Variants in TDRP observed in about 807,000 individuals in gnomAD.
The protein encoded by TDRP is testis development related protein.
A neutral mutation model predicts 10.5 loss-of-function variants in TDRP; 12 were observed. The observed-to-expected ratio is 1.15, with a 90% CI of 0.73 to 1.86. The LOEUF (loss-of-function observed/expected upper bound fraction) is 1.86, where lower values mean the gene tolerates loss of function less well. TDRP is among the 40% of genes most tolerant of loss of function. The pLI is 0.00. For missense variants in TDRP, 353 were observed against 229.2 expected (o/e 1.54, Z -3.49); for synonymous variants, 139 against 95.4 (o/e 1.46, Z -2.67).
chr8:516,459 C>A (rs1296081157), intron 1 of TDRP, among the ~76,000 whole-genome samples: 2 of 152,198 alleles, frequency 1.3e-5, no homozygotes, highest in African/African-American at 2.4e-5. Context: ...AAGACTTTAA[C>A]AGACACTTCA....
At chr8:543,090 G>A (rs550094818) in intron 1 of TDRP, among the ~76,000 whole-genome samples, 417 of 152,214 alleles carry the variant, frequency 2.7e-3, no homozygotes, top group Admixed American at 5.0e-3. Flanking sequence ...GGCGGATCAC[G>A]TGAGCCCAGG....
intron 1 of TDRP, among the ~76,000 whole-genome samples, chr8:537,089 A>C (rs889952297): frequency 9.2e-5 from 14 of 152,170 alleles, no homozygotes; most frequent in African/African-American, 3.4e-4. Flanking sequence ...ACCCTGACTC[A>C]ATTCTGCAGC....
intron 1 of TDRP, among the ~76,000 whole-genome samples, chr8:524,220 G>C (rs533402036): frequency 3.4e-4 from 51 of 152,186 alleles, no homozygotes; most frequent in Non-Finnish European, 6.0e-4. Context: ...AGGTCTGCAA[G>C]AGTCACAGCA....
chr8:527,756 A>C (rs1030016748), intron 1 of TDRP, among the ~76,000 whole-genome samples: 1 of 152,210 alleles, frequency 6.6e-6, no homozygotes, highest in Non-Finnish European at 1.5e-5. Flanking sequence ...CACACAAAAA[A>C]TCAAATCAAA....
At chr8:493,184 A>C (rs551761296) in intron 2 of TDRP, among the ~76,000 whole-genome samples, 1 of 152,324 alleles carries the variant, frequency 6.6e-6, no homozygotes, top group East Asian at 1.9e-4. Context: ...TAGGTAATTT[A>C]CTCAACAAAA....
chr8:544,626 C>T (rs1584889941), intron 1 of TDRP, 24 bp downstream of exon 1: 3 of 1,231,540 alleles, frequency 2.4e-6, no homozygotes, highest in South Asian at 3.8e-5. Context: ...CCTACTAGCA[C>T]TCCCCACCTG....
At chr8:502,250 G>C (rs1050972785) in intron 1 of TDRP, among the ~76,000 whole-genome samples, 4 of 152,226 alleles carry the variant, frequency 2.6e-5, no homozygotes, top group African/African-American at 7.2e-5. Flanking sequence ...ACACACTGAA[G>C]CTATTGAGAA....
At chr8:539,475 TA>T (rs1563134031) in intron 1 of TDRP, among the ~76,000 whole-genome samples, 1 of 152,176 alleles carries the variant, frequency 6.6e-6, no homozygotes, top group Non-Finnish European at 1.5e-5. Context: ...AGGATGACTG[TA>T]TAACATTTAA....
intron 1 of TDRP, among the ~76,000 whole-genome samples, chr8:526,008 C>T (rs1802025724): frequency 6.6e-6 from 1 of 152,092 alleles, no homozygotes; most frequent in South Asian, 2.1e-4. Context: ...TTTTGGATTT[C>T]TTCATGGTTC....
At chr8:501,908 C>G (rs115578194) in intron 1 of TDRP, among the ~76,000 whole-genome samples, 1,730 of 152,274 alleles carry the variant, frequency 0.011, 26 homozygotes, top group African/African-American at 0.039. Context: ...ATGACCCTGA[C>G]CCACCCTCTC....
intron 1 of TDRP, among the ~76,000 whole-genome samples, chr8:506,646 G>A (rs374755815): frequency 1.2e-4 from 18 of 152,236 alleles, no homozygotes; most frequent in Non-Finnish European, 2.1e-4. Context: ...TCCCCACTAC[G>A]GCAAATGCTC....
intron 1 of TDRP, among the ~76,000 whole-genome samples, chr8:543,447 AAT>A (rs1802553870): frequency 6.6e-6 from 1 of 152,212 alleles, no homozygotes; most frequent in Non-Finnish European, 1.5e-5. Context: ...ATCTTTGACC[AAT>A]ATTAGTTATT....
intron 1 of TDRP, among the ~76,000 whole-genome samples, chr8:540,741 CTAAG>C (rs977760040): frequency 2.8e-5 from 4 of 144,380 alleles, no homozygotes; most frequent in African/African-American, 1.0e-4. Flanking sequence ...TCCCATAAAT[CTAAG>C]TAATTTTGAA....
chr8:543,455 T>C (rs781178749), intron 1 of TDRP, among the ~76,000 whole-genome samples: 1 of 152,168 alleles, frequency 6.6e-6, no homozygotes, highest in Non-Finnish European at 1.5e-5. Flanking sequence ...CCAATATTAG[T>C]TATTTGTAGC....
chr8:525,521 T>C (rs550637204), intron 1 of TDRP, among the ~76,000 whole-genome samples: 75 of 152,258 alleles, frequency 4.9e-4, no homozygotes, highest in African/African-American at 1.6e-3. Context: ...CAATAAGATA[T>C]ACATGGAAAC....
rs957836087 is a variant in TDRP at position 492,270 on chromosome 8, G to T, written c.*129C>A. The T allele has an allele frequency of 1.2e-5, 16 of 1,334,952 alleles. No individual in the cohort carries two copies. Among genetic ancestry groups the T allele is most frequent in the Non-Finnish European group, 1.5e-5 (16 of 1,044,600 alleles). The allele number at this position is 1,334,952 out of a possible 1,614,324, so 82.7% of individuals were successfully genotyped here. A position where few individuals can be genotyped will look rare whatever the true frequency, so the allele number is the denominator to read the frequency against. On this transcript the variant is annotated 3_prime_UTR_variant, in exon 3 of 3. Coordinates refer to ENST00000324079, the MANE Select transcript of TDRP (RefSeq NM_001384899.1). ...TGAGAGTTCATTAAATAAAGAAACA[G>T]AGGTCCAAATATCAAATATAGGCAA...
intron 1 of TDRP, among the ~76,000 whole-genome samples, chr8:495,446 T>G (rs1801098293): frequency 6.6e-6 from 1 of 152,174 alleles, no homozygotes; most frequent in South Asian, 2.1e-4. Context: ...TTGTTGACTG[T>G]AAACAAATGA....
chr8:532,220 G>T (rs78902844), intron 1 of TDRP, among the ~76,000 whole-genome samples: 7,551 of 152,284 alleles, frequency 0.05, 208 homozygotes, highest in African/African-American at 0.065. Flanking sequence ...AGGTGCCTGT[G>T]TTGCATCTGC....
intron 1 of TDRP, among the ~76,000 whole-genome samples, chr8:526,671 A>G (rs1248443855): frequency 6.6e-6 from 1 of 152,050 alleles, no homozygotes; most frequent in African/African-American, 2.4e-5. Context: ...TCTTTTTGGT[A>G]TGTCTTAGTC....
Sources: gnomAD v4.1 joint callset for allele counts (sites outside exome capture counted in the v4.1 genomes callset) on GRCh38, gnomAD v4.1.1 for gene constraint, MANE v1.5 for transcripts, NCBI Gene and HGNC (gene_info 2026-07-23, HGNC 2026-07-21) for gene names.